Variants in HCRTR2 observed in about 807,000 individuals in gnomAD.
The protein encoded by HCRTR2 is orexin receptor type 2.
HCRTR2 carries 22 observed loss-of-function variants against 49.0 expected under a neutral mutation model. The observed-to-expected ratio is 0.45, with a 90% CI of 0.32 to 0.64. The LOEUF (loss-of-function observed/expected upper bound fraction) is 0.64, where lower values mean the gene tolerates loss of function less well. Among genes scored for constraint, HCRTR2 ranks in the 30% least tolerant of loss-of-function variants. The probability of loss-of-function intolerance (pLI) is 0.04; values close to 1 mark genes in which losing one functional copy is unlikely to be tolerated. For synonymous variants in HCRTR2, 236 were observed against 205.3 expected (o/e 1.15, Z -1.28); for missense variants, 491 against 559.4 (o/e 0.88, Z 1.23).
intron 2 of HCRTR2, among the ~76,000 whole-genome samples, chr6:55,249,110 T>C (rs1386042772): frequency 1.3e-5 from 2 of 152,098 alleles, no homozygotes; most frequent in Non-Finnish European, 2.9e-5. Flanking sequence ...TTATTCCAAA[T>C]TTGATCCCAA....
At chr6:55,193,970 A>G in intron 1 of HCRTR2, among the ~76,000 whole-genome samples, 1 of 152,108 alleles carries the variant, frequency 6.6e-6, no homozygotes, top group East Asian at 1.9e-4. Context: ...TCTCTTTAAC[A>G]CTGAATAAAG....
intron 1 of HCRTR2, among the ~76,000 whole-genome samples, chr6:55,114,681 T>C (rs1449506075): frequency 2.0e-5 from 3 of 151,778 alleles, no homozygotes; most frequent in African/African-American, 7.2e-5. Flanking sequence ...ATAATTTGTC[T>C]CCAAAATTTT....
chr6:55,247,877 T>C (rs937102181), intron 1 of HCRTR2, among the ~76,000 whole-genome samples: 4 of 152,084 alleles, frequency 2.6e-5, no homozygotes, highest in African/African-American at 9.7e-5. Context: ...GTCTGGAACT[T>C]ATATGTACTT....
intron 3 of HCRTR2, among the ~76,000 whole-genome samples, chr6:55,263,246 A>C (rs1766801686): frequency 6.6e-6 from 1 of 152,072 alleles, no homozygotes; most frequent in Admixed American, 6.6e-5. Context: ...GGGAACTTAC[A>C]TTCTAATAAG....
chr6:55,155,488 T>C (rs557239959), intron 1 of HCRTR2, among the ~76,000 whole-genome samples: 3 of 152,110 alleles, frequency 2.0e-5, no homozygotes, highest in East Asian at 3.9e-4. Context: ...ACATCATTAC[T>C]AGCAATCTAA....
At chr6:55,154,687 A>G (rs13216066) in intron 1 of HCRTR2, among the ~76,000 whole-genome samples, 1 of 146,872 alleles carries the variant, frequency 6.8e-6, no homozygotes. Context: ...AAAATAAATA[A>G]ATAAATAAAT....
At chr6:55,235,921 A>C (rs1562016972) in intron 1 of HCRTR2, among the ~76,000 whole-genome samples, 1 of 152,022 alleles carries the variant, frequency 6.6e-6, no homozygotes, top group Non-Finnish European at 1.5e-5. Flanking sequence ...ACTTTGTATT[A>C]ATATTTGATA....
At chr6:55,111,825 G>A (rs891556055) in intron 1 of HCRTR2, among the ~76,000 whole-genome samples, 4 of 151,850 alleles carry the variant, frequency 2.6e-5, no homozygotes, top group Non-Finnish European at 1.5e-5. Flanking sequence ...CCAAAACCAG[G>A]AAAGGACCTA....
At chr6:55,190,386 T>C (rs1562001075) in intron 1 of HCRTR2, among the ~76,000 whole-genome samples, 1 of 152,074 alleles carries the variant, frequency 6.6e-6, no homozygotes, top group East Asian at 1.9e-4. Flanking sequence ...TTTACTGAGA[T>C]ACAGGGCCGT....
chr6:55,250,600 G>A (rs920990790), intron 2 of HCRTR2, among the ~76,000 whole-genome samples: 5 of 152,136 alleles, frequency 3.3e-5, no homozygotes, highest in Admixed American at 6.6e-5. Context: ...AATGCACAGC[G>A]ATAGCTTTCT....
At chr6:55,276,883 CG>C (rs1166061722) in intron 4 of HCRTR2, among the ~76,000 whole-genome samples, 9 of 152,134 alleles carry the variant, frequency 5.9e-5, no homozygotes, top group African/African-American at 2.2e-4. Context: ...TGTCCGAACT[CG>C]AGAAGCAGAA....
rs376282377 is a variant in HCRTR2, at chr6:55,174,594, G to A, written c.7G>A (p.Gly3Ser). The stretch of plus-strand genomic sequence containing the variant: ...AACCGGACTTGAGCCCGTGATGTCC[G>A]GCACCAAATTGGAGGACTCCCCCCC... MS[G>S]TKLEDSPPCR... is the part of the protein sequence containing the mutation. The change falls in exon 1 of 7, where the codon GGC (glycine) becomes AGC (serine). Residue 3 changes from glycine to serine, a missense_variant. Physicochemically the swap from Gly to Ser is moderately conservative, Grantham distance 56. Coordinates refer to ENST00000370862, the MANE Select transcript of HCRTR2 (RefSeq NM_001384272.1). 1.2e-6 allele frequency: 2 copies of A among 1,613,606 alleles called. No individual in the cohort carries two copies. Among genetic ancestry groups the A allele is most frequent in the African/African-American group, 2.7e-5 (2 of 74,824 alleles).
upstream of HCRTR2, chr6:55,174,074 T>A (rs1271282311): frequency 5.5e-6 from 1 of 183,480 alleles, no homozygotes; most frequent in Non-Finnish European, 1.1e-5. Flanking sequence ...GACTGATGCA[T>A]GTCTGTGCAT....
intron 1 of HCRTR2, among the ~76,000 whole-genome samples, chr6:55,187,397 G>T (rs1369021639): frequency 7.7e-6 from 1 of 129,418 alleles, no homozygotes; most frequent in Non-Finnish European, 1.6e-5. Flanking sequence ...TGGTGACAGA[G>T]TGAGACTCCG....
chr6:55,227,277 A>G (rs755581933), intron 1 of HCRTR2, among the ~76,000 whole-genome samples: 1 of 152,170 alleles, frequency 6.6e-6, no homozygotes, highest in Non-Finnish European at 1.5e-5. Context: ...TCAATGGGTT[A>G]TTTTGATTAC....
chr6:55,124,417 G>A (rs1488060096), intron 1 of HCRTR2, among the ~76,000 whole-genome samples: 1 of 152,156 alleles, frequency 6.6e-6, no homozygotes, highest in Non-Finnish European at 1.5e-5. Context: ...CCATGCAGTT[G>A]TGTGGTTTTG....
intron 1 of HCRTR2, among the ~76,000 whole-genome samples, chr6:55,136,459 C>T (rs73432945): frequency 0.057 from 8,618 of 152,146 alleles, 370 homozygotes; most frequent in African/African-American, 0.11. Flanking sequence ...GAAATTCCTT[C>T]AATTGGGAAA....
At chr6:55,131,209 A>C (rs187115659) in intron 1 of HCRTR2, among the ~76,000 whole-genome samples, 3 of 151,880 alleles carry the variant, frequency 2.0e-5, no homozygotes, top group African/African-American at 7.2e-5. Flanking sequence ...GAGTGGTTTT[A>C]CATATATTAT....
upstream of HCRTR2, chr6:55,174,251 G>A (rs1381797028): frequency 8.8e-6 from 3 of 339,740 alleles, no homozygotes; most frequent in African/African-American, 4.2e-5. Flanking sequence ...TGTGGGCTGC[G>A]GACTGAGTGC....
Sources: gnomAD v4.1 joint callset for allele counts (sites outside exome capture counted in the v4.1 genomes callset) on GRCh38, gnomAD v4.1.1 for gene constraint, MANE v1.5 for transcripts, NCBI Gene and HGNC (gene_info 2026-07-23, HGNC 2026-07-21) for gene names.